Variants in CALHM4 observed in about 807,000 individuals in gnomAD.
CALHM4 encodes the protein calcium homeostasis modulator family member 4.
A neutral mutation model predicts 13.3 loss-of-function variants in CALHM4; 16 were observed. The ratio of observed to expected loss-of-function variants is 1.20; its 90% CI spans 0.81 to 1.82. The LOEUF is 1.82. Ranked by LOEUF, CALHM4 falls within the 40% of genes most tolerant of loss-of-function variation. CALHM4 has a pLI of 0.00. For synonymous variants in CALHM4, 127 were observed against 137.1 expected, an observed-to-expected ratio of 0.93 and a Z score of 0.52; for missense variants, 344 against 374.9, an observed-to-expected ratio of 0.92 and a Z score of 0.68.
intron 1 of CALHM4, among the ~76,000 whole-genome samples, chr6:116,533,626 G>A (rs948558316): frequency 1.6e-4 from 25 of 152,220 alleles, no homozygotes; most frequent in African/African-American, 5.5e-4. Context: ...CTGGTTGTCA[G>A]ATTATTGCCT....
intron 1 of CALHM4, among the ~76,000 whole-genome samples, chr6:116,536,553 G>A (rs755280828): frequency 6.6e-6 from 1 of 152,100 alleles, no homozygotes; most frequent in East Asian, 1.9e-4. Context: ...TCAGAGGGAG[G>A]GATCACTTCT....
intron 2 of CALHM4, chr6:116,545,489 G>C: frequency 6.5e-7 from 1 of 1,547,532 alleles, no homozygotes; most frequent in Non-Finnish European, 8.7e-7. Context: ...ATGGTATTCT[G>C]GTCTTCGGTG....
chr6:116,532,618 A>G (rs760299922), intron 1 of CALHM4, among the ~76,000 whole-genome samples: 2 of 152,248 alleles, frequency 1.3e-5, no homozygotes, highest in Non-Finnish European at 2.9e-5. Context: ...TAGTATTATC[A>G]TAACTTTGGG....
rs752795541 is a variant in CALHM4, at chr6:116,554,173, C to G, written c.380C>G (p.Thr127Arg). Residue 127 changes from threonine to arginine, a missense_variant, in exon 1 of 2, where the codon ACG becomes AGG. Physicochemically the swap from Thr to Arg is moderately conservative, Grantham distance 71. Transcript: ENST00000368596. The stretch of plus-strand genomic sequence containing the variant: ...CTGGCGGTGACCCTGCTGACAGGCA[C>G]GTATTATGAATGTGCAGCAAGTGAA... Reference protein sequence around the residue: ...TWLAVTLLTGTYYECAASEFA... With the variant: ...TWLAVTLLTGRYYECAASEFA... 1.9e-6 allele frequency: 3 copies of G among 1,550,442 alleles called. No individual in the cohort carries two copies. Among genetic ancestry groups the G allele is most frequent in the Non-Finnish European group, 2.6e-6 (3 of 1,146,970 alleles).
In CALHM4 at chr6:116,554,469, T is replaced by A. The variant is rs1033810947; in HGVS notation, c.558+118T>A. ...TCTGATTATAGAACACAATACTAGA[T>A]GCTGTTCATCAAAGTGAGTTCTACT... On this transcript the variant is annotated intron_variant, in intron 1 of 1. Transcript: ENST00000368596. 6.6e-6 allele frequency: 6 copies of A among 913,502 alleles called. No individual in the cohort carries two copies. The African/African-American group carries it at 8.4e-5, about 13-fold the overall frequency. 56.6% of individuals were successfully genotyped at this position (913,502 alleles called of 1,614,324 possible). A position where few individuals can be genotyped will look rare whatever the true frequency, so the allele number is the denominator to read the frequency against.
chr6:116,557,797 T>C, intron 1 of CALHM4, 28 bp from the exon 2 acceptor site: 1 of 1,596,386 alleles, frequency 6.3e-7, no homozygotes, highest in Non-Finnish European at 8.6e-7. Context: ...TGATACTTCC[T>C]GTTTTTCTTT....
intron 2 of CALHM4, among the ~76,000 whole-genome samples, chr6:116,546,464 A>G (rs1185014511): frequency 6.6e-6 from 1 of 152,186 alleles, no homozygotes; most frequent in Admixed American, 6.5e-5. Flanking sequence ...CATTAGTCCT[A>G]TTTGTTCTGG....
At chr6:116,557,424 A>G (rs1774374285) in intron 1 of CALHM4, among the ~76,000 whole-genome samples, 1 of 152,220 alleles carries the variant, frequency 6.6e-6, no homozygotes, top group African/African-American at 2.4e-5. Context: ...CATCATTATC[A>G]AATACTTATT....
At chr6:116,532,522 T>A (rs1772805693) in intron 1 of CALHM4, among the ~76,000 whole-genome samples, 1 of 152,226 alleles carries the variant, frequency 6.6e-6, no homozygotes, top group South Asian at 2.1e-4. Flanking sequence ...TGGAAAAACT[T>A]ACAGATCTGA....
In CALHM4 at chr6:116,554,060, C is replaced by T; in HGVS notation, c.267C>T (p.Tyr89=). The change falls in exon 1 of 2, where the codon TAC becomes TAT. Residue 89 remains tyrosine (Y), a synonymous_variant. Coordinates refer to ENST00000368596, the MANE Select transcript of CALHM4 (RefSeq NM_001366078.2). The stretch of plus-strand genomic sequence containing the variant: ...ACTGCTGCAGCTGTGCCCCTCCATA[C>T]AGGAGAATCAGCCCCCTAGAGTGCA... ...GEYCCSCAPP[Y]RRISPLECKL... 1.3e-6 allele frequency: 2 copies of T among 1,550,708 alleles called. No homozygotes were observed. Among genetic ancestry groups the T allele is most frequent in the South Asian group, 2.4e-5 (2 of 84,064 alleles).
intron 2 of CALHM4, among the ~76,000 whole-genome samples, chr6:116,545,106 CAT>C (rs71707029): frequency 0.018 from 2,643 of 150,396 alleles, 72 homozygotes; most frequent in African/African-American, 0.061. Context: ...TATATACACA[CAT>C]ATATATATAC....
At chr6:116,547,114 C>A (rs1328416102) in intron 2 of CALHM4, among the ~76,000 whole-genome samples, 1 of 152,090 alleles carries the variant, frequency 6.6e-6, no homozygotes, top group Non-Finnish European at 1.5e-5. Flanking sequence ...TTTGATGATT[C>A]CAAGTCAAAT....
chr6:116,534,289 C>T (rs1283934762), intron 1 of CALHM4, among the ~76,000 whole-genome samples: 2 of 152,148 alleles, frequency 1.3e-5, no homozygotes, highest in African/African-American at 2.4e-5. Flanking sequence ...ATTTGGACAT[C>T]CTTGTTGAAG....
chr6:116,533,232 G>A (rs934848186), intron 1 of CALHM4, among the ~76,000 whole-genome samples: 1 of 152,168 alleles, frequency 6.6e-6, no homozygotes, highest in African/African-American at 2.4e-5. Flanking sequence ...GTCATTGGAG[G>A]GATTGAGAAA....
chr6:116,552,235 C>T (rs1774111429), upstream of CALHM4, among the ~76,000 whole-genome samples: 1 of 152,150 alleles, frequency 6.6e-6, no homozygotes, highest in African/African-American at 2.4e-5. Flanking sequence ...GAGAAGTCTG[C>T]TGTCAGTCAT....
intron 1 of CALHM4, among the ~76,000 whole-genome samples, chr6:116,532,613 T>C (rs975477923): frequency 1.1e-4 from 17 of 152,246 alleles, no homozygotes; most frequent in Non-Finnish European, 2.4e-4. Flanking sequence ...TTTACTAGTA[T>C]TATCATAACT....
intron 1 of CALHM4, among the ~76,000 whole-genome samples, chr6:116,540,932 G>A (rs1462185105): frequency 1.5e-4 from 23 of 152,148 alleles, no homozygotes; most frequent in Non-Finnish European, 2.9e-5. Context: ...GCTCTGGAAG[G>A]AGGGGAAGAA....
chr6:116,553,900 C>T lies in CALHM4; in HGVS notation c.107C>T (p.Ser36Phe). 1 of 1,550,656 alleles carries T rather than the reference C, an allele frequency of 6.4e-7. No homozygotes were observed. The highest frequency in any genetic ancestry group is 1.2e-5 in the South Asian group (1 of 84,058). Reference sequence around the variant, plus strand: ...ATTGGTGGGCAACAACTCTTCTCCTCTTCTACATTCAGCTGTCCTTGTCAG... The same window carrying T: ...ATTGGTGGGCAACAACTCTTCTCCTTTTCTACATTCAGCTGTCCTTGTCAG... Reference protein sequence around the residue: ...LTIGGQQLFSSSTFSCPCQVG... With the variant: ...LTIGGQQLFSFSTFSCPCQVG... The change falls in exon 1 of 2, where the codon TCT (serine) becomes TTT (phenylalanine). Residue 36 changes from serine (S) to phenylalanine (F), a missense_variant. By Grantham distance (155) the Ser-to-Phe change is radical. Transcript: ENST00000368596.
chr6:116,529,368 A>T lies in CALHM4; in HGVS notation c.-109+178A>T, dbSNP rs188299013. 2.6e-5 allele frequency among the ~76,000 whole-genome samples: 4 copies of T among 152,028 alleles called. No homozygotes were observed. The South Asian group carries it at 8.3e-4, about 31-fold the overall frequency. On this transcript the variant is annotated intron_variant, in intron 1 of 2. Coordinates refer to the CALHM4 transcript ENST00000368597. ...ATAAGACAGTGGCGAGATATTAAAAAATTTTAGAATCTTTGTAACTAACAG... is the reference window on the plus strand; with the variant it reads ...ATAAGACAGTGGCGAGATATTAAAATATTTTAGAATCTTTGTAACTAACAG...
Sources: gnomAD v4.1 joint callset for allele counts (sites outside exome capture counted in the v4.1 genomes callset) on GRCh38, gnomAD v4.1.1 for gene constraint, MANE v1.5 for transcripts, NCBI Gene and HGNC (gene_info 2026-07-23, HGNC 2026-07-21) for gene names.